The following FAM184A variants were observed in gnomAD, a reference collection of about 807,000 sequenced individuals.
FAM184A encodes protein FAM184A.
A neutral mutation model predicts 143.8 loss-of-function variants in FAM184A; 99 were observed. The ratio of observed to expected loss-of-function variants is 0.69; its 90% CI spans 0.58 to 0.81. The LOEUF (loss-of-function observed/expected upper bound fraction) is 0.81, where lower values mean the gene tolerates loss of function less well. Among genes scored for constraint, FAM184A ranks in the 40% least tolerant of loss-of-function variants. The pLI is 0.00. For synonymous variants in FAM184A, 427 were observed against 446.4 expected, an observed-to-expected ratio of 0.96 and a Z score of 0.55; for missense variants, 1,217 against 1,310.5, an observed-to-expected ratio of 0.93 and a Z score of 1.10.
rs367868495 is a variant in FAM184A, at chr6:119,131,273, T to C, written c.-202+17805A>G. 3.9e-4 allele frequency among the ~76,000 whole-genome samples: 60 copies of C among 152,300 alleles called. 1 individual carries two copies. The East Asian group carries it at 5.6e-3, about 14-fold the overall frequency. ...TCTCAGCTAGTCAGACTTGAAACAT[T>C]TATCCTAAAATATTCTTCTGGATTA... On this transcript the variant is annotated intron_variant, in intron 1 of 16. Coordinates refer to the FAM184A transcript ENST00000352896.
chr6:118,965,208 T>TG (rs138175965), intron 15 of FAM184A, among the ~76,000 whole-genome samples: 20,964 of 148,994 alleles, frequency 0.14, 1,680 homozygotes, highest in Non-Finnish European at 0.18. Context: ...TTTGTTTGTT[T>TG]TTTTTTTTTT....
In FAM184A at chr6:118,966,885, C is replaced by T; in HGVS notation, c.2983G>A (p.Glu995Lys). Residue 995 changes from glutamate to lysine, a missense_variant, in exon 15 of 18, where the codon GAA becomes AAA. By Grantham distance (56) the Glu-to-Lys change is moderately conservative (BLOSUM62 1). Coordinates refer to ENST00000338891, the MANE Select transcript of FAM184A (RefSeq NM_024581.6). ...SKPEDIQMIT[E>K]LKAMLTERDQ... ...CTTTCTGTAAGCATGGCTTTTAATT[C>T]TGTAATCATCTGTATATCTTCTGGT... The T allele has an allele frequency of 6.3e-7, 1 of 1,589,472 alleles. No individual in the cohort carries two copies. Among genetic ancestry groups the T allele is most frequent in the Non-Finnish European group, 8.6e-7 (1 of 1,160,792 alleles).
chr6:119,111,703 T>A (rs1461377388), intron 1 of FAM184A, among the ~76,000 whole-genome samples: 1 of 152,190 alleles, frequency 6.6e-6, no homozygotes, highest in East Asian at 1.9e-4. Flanking sequence ...CTAGTCACAA[T>A]GCAAATTATT....
chr6:119,078,871 G>C (rs549302132), upstream of FAM184A: 1 of 153,522 alleles, frequency 6.5e-6, no homozygotes, highest in South Asian at 1.8e-4. This position sits in a 1 kb window ranked among gnomAD's most constrained non-coding sequence, Gnocchi z 5.5. Flanking sequence ...AGGTCGATCC[G>C]GGATCGTGCC....
intron 9 of FAM184A, among the ~76,000 whole-genome samples, chr6:118,990,547 C>T (rs1250169520): frequency 6.6e-6 from 1 of 150,874 alleles, no homozygotes; most frequent in East Asian, 2.0e-4. Context: ...TTTGTTAATA[C>T]ATAACTGAAG....
chr6:119,108,225 C>T (rs933900118), intron 1 of FAM184A, among the ~76,000 whole-genome samples: 2 of 151,592 alleles, frequency 1.3e-5, no homozygotes, highest in Non-Finnish European at 2.9e-5. Flanking sequence ...AGTCACTCAT[C>T]GAGACCTTTT....
upstream of FAM184A, among the ~76,000 whole-genome samples, chr6:119,082,511 T>C (rs1788101230): frequency 6.6e-6 from 1 of 152,180 alleles, no homozygotes; most frequent in South Asian, 2.1e-4. Flanking sequence ...ACAATGGGGG[T>C]TCAGGCATTG....
chr6:119,015,845 C>A (rs892671636), intron 5 of FAM184A, among the ~76,000 whole-genome samples: 1 of 152,244 alleles, frequency 6.6e-6, no homozygotes, highest in African/African-American at 2.4e-5. Context: ...TGTAAATACA[C>A]CAATCAGCAC....
chr6:119,041,603 C>A (rs2114728160), intron 1 of FAM184A, among the ~76,000 whole-genome samples: 1 of 152,274 alleles, frequency 6.6e-6, no homozygotes, highest in East Asian at 1.9e-4. Context: ...TTAAATCTTG[C>A]AGCTGCACTC....
intron 1 of FAM184A, among the ~76,000 whole-genome samples, chr6:119,093,057 T>C (rs1260641812): frequency 6.6e-6 from 1 of 152,148 alleles, no homozygotes. Flanking sequence ...CTCAAATAAT[T>C]GAATTCTTTT....
At position 119,078,389 on chromosome 6, in the gene FAM184A, G is replaced by A. The variant is rs556808617; in HGVS notation, c.-90C>T. 3 of 1,298,274 alleles carry A rather than the reference G, an allele frequency of 2.3e-6. No individual in the cohort carries two copies. In the East Asian group the frequency reaches 9.4e-5, roughly 41 times the overall value. 80.4% of individuals were successfully genotyped at this position (1,298,274 alleles called of 1,614,324 possible). On this transcript the variant is annotated 5_prime_UTR_variant, in exon 1 of 18. Transcript: ENST00000338891. This position sits in a 1 kb window ranked among gnomAD's most constrained non-coding sequence, Gnocchi z 5.5. ...ACGCCCGGGAGGCAAGAGTCGCGGCGGCCGCTTCCCGACCCGACACCCGGC... is the reference window on the plus strand; with the variant it reads ...ACGCCCGGGAGGCAAGAGTCGCGGCAGCCGCTTCCCGACCCGACACCCGGC...
intron 11 of FAM184A, among the ~76,000 whole-genome samples, chr6:118,978,370 T>A (rs1264955512): frequency 1.3e-5 from 2 of 152,226 alleles, no homozygotes; most frequent in East Asian, 3.8e-4. Flanking sequence ...AGCTGTGGAA[T>A]GTGTATTCCC....
At chr6:118,987,192 G>C (rs148662034) in intron 9 of FAM184A, among the ~76,000 whole-genome samples, 345 of 152,222 alleles carry the variant, frequency 2.3e-3, no homozygotes, top group Non-Finnish European at 4.3e-3. Flanking sequence ...ATTGTTACTG[G>C]AATACAGTCA....
At chr6:119,006,140 G>A (rs764933543) in intron 7 of FAM184A, 3 of 765,082 alleles carry the variant, frequency 3.9e-6, no homozygotes, top group Non-Finnish European at 7.2e-6. Context: ...TGGAAATTAT[G>A]TTGCCGAATG....
At chr6:119,022,655 G>A (rs111637099) in intron 3 of FAM184A, among the ~76,000 whole-genome samples, 23 of 152,190 alleles carry the variant, frequency 1.5e-4, no homozygotes, top group African/African-American at 5.5e-4. Flanking sequence ...CAGGGAGACT[G>A]CCTGAGCTCA....
At chr6:119,013,456 C>A (rs1192808401) in intron 5 of FAM184A, among the ~76,000 whole-genome samples, 1 of 151,936 alleles carries the variant, frequency 6.6e-6, no homozygotes, top group Non-Finnish European at 1.5e-5. Flanking sequence ...AAAGTAATAC[C>A]AAAAGATAGC....
At chr6:119,008,635 G>T (rs943864293) in intron 6 of FAM184A, among the ~76,000 whole-genome samples, 2 of 152,062 alleles carry the variant, frequency 1.3e-5, no homozygotes, top group African/African-American at 2.4e-5. Flanking sequence ...ATTTGCAATA[G>T]AAATAAATAC....
At chr6:118,969,520 C>T (rs1006907177) in intron 14 of FAM184A, among the ~76,000 whole-genome samples, 1 of 152,112 alleles carries the variant, frequency 6.6e-6, no homozygotes, top group Non-Finnish European at 1.5e-5. Context: ...AGAAAGAAAA[C>T]TTGATACTAT....
Position 119,078,087 on chromosome 6 carries a change from A to G in FAM184A, c.159+54T>C, listed in dbSNP as rs1787937475. The G allele has an allele frequency of 6.5e-7, 1 of 1,533,430 alleles. No individual in the cohort carries two copies. The highest frequency in any genetic ancestry group is 8.7e-7 in the Non-Finnish European group (1 of 1,143,906). The allele number at this position is 1,533,430 out of a possible 1,614,324, so 95.0% of individuals were successfully genotyped here. A position where few individuals can be genotyped will look rare whatever the true frequency, so the allele number is the denominator to read the frequency against. On this transcript the variant is annotated intron_variant, in intron 1 of 17. Coordinates refer to ENST00000338891, the MANE Select transcript of FAM184A (RefSeq NM_024581.6). This position sits in a 1 kb window ranked among gnomAD's most constrained non-coding sequence, Gnocchi z 5.5. The stretch of plus-strand genomic sequence containing the variant: ...GCACTGCCTCCCGGGGAGACAGGTG[A>G]GTCCGGCGCGGCCCGCACGGGGTCG...
Sources: gnomAD v4.1 joint callset for allele counts (sites outside exome capture counted in the v4.1 genomes callset) on GRCh38, gnomAD v4.1.1 for gene constraint, Gnocchi (gnomAD v3.1) non-coding constraint, MANE v1.5 for transcripts, NCBI Gene and HGNC (gene_info 2026-07-23, HGNC 2026-07-21) for gene names.